The following CTNNA3 variants were observed in gnomAD, a reference collection of about 807,000 sequenced individuals.
The protein encoded by CTNNA3 is catenin alpha-3.
Under a neutral mutation model 95.7 loss-of-function variants are expected in CTNNA3, and 76 were observed. That is an observed-to-expected ratio of 0.79 (90% CI 0.66 to 0.96). CTNNA3 has a LOEUF of 0.96. Among genes scored for constraint, CTNNA3 ranks in the 40% least tolerant of loss-of-function variants. CTNNA3 has a pLI of 0.00. For synonymous variants in CTNNA3, 431 were observed against 374.4 expected (o/e 1.15, Z -1.74); for missense variants, 1,191 against 1,089.8 (o/e 1.09, Z -1.31).
intron 1 of CTNNA3, among the ~76,000 whole-genome samples, chr10:67,677,926 G>A (rs1019520550): frequency 1.3e-5 from 2 of 152,144 alleles, no homozygotes; most frequent in Non-Finnish European, 2.9e-5. Flanking sequence ...AATAGGAGTA[G>A]GAGAAGAGTT....
At chr10:66,312,192 A>T (rs2092030238) in intron 12 of CTNNA3, among the ~76,000 whole-genome samples, 1 of 152,130 alleles carries the variant, frequency 6.6e-6, no homozygotes, top group South Asian at 2.1e-4. Context: ...TATTCATGAC[A>T]CACTCTCCTG....
At chr10:66,253,046 T>C (rs2090622093) in intron 13 of CTNNA3, among the ~76,000 whole-genome samples, 11 of 152,190 alleles carry the variant, frequency 7.2e-5, no homozygotes. Context: ...CCATAATTTC[T>C]ACTCATTTAG....
chr10:66,441,528 G>C (rs1344249510), intron 11 of CTNNA3, among the ~76,000 whole-genome samples: 1 of 152,086 alleles, frequency 6.6e-6, no homozygotes, highest in Non-Finnish European at 1.5e-5. Flanking sequence ...ATATTGCTTT[G>C]CTATTCCAAG....
At chr10:67,617,610 G>T (rs947115272) in intron 2 of CTNNA3, among the ~76,000 whole-genome samples, 5 of 151,944 alleles carry the variant, frequency 3.3e-5, no homozygotes, top group Admixed American at 2.6e-4. Context: ...TATTACTCTG[G>T]GTATATATCC....
At chr10:66,951,898 C>T (rs910433474) in intron 7 of CTNNA3, among the ~76,000 whole-genome samples, 1 of 152,112 alleles carries the variant, frequency 6.6e-6, no homozygotes, top group Non-Finnish European at 1.5e-5. Flanking sequence ...AAGTCCAGCC[C>T]TAAAATAACA....
At chr10:65,987,958 C>T (rs570216689) in intron 16 of CTNNA3, among the ~76,000 whole-genome samples, 20 of 152,114 alleles carry the variant, frequency 1.3e-4, no homozygotes, top group African/African-American at 4.8e-4. Flanking sequence ...ACCACATATT[C>T]TCATATGTGA....
Position 67,739,713 on chromosome 10 carries a change from G to A in CTNNA3, c.-2+23721C>T, listed in dbSNP as rs372426782. ...GTCATGGATAGGAAGAATCAATATCGTGAAAATGGCCATACTGCCCAAGGT... is the reference window on the plus strand; with the variant it reads ...GTCATGGATAGGAAGAATCAATATCATGAAAATGGCCATACTGCCCAAGGT... On this transcript the variant is annotated intron_variant, in intron 1 of 17. Coordinates refer to the CTNNA3 transcript ENST00000684154. Among the ~76,000 whole-genome samples, 268 of 152,210 alleles carry A rather than the reference G, an allele frequency of 1.8e-3. 2 individuals are homozygous for A. Among genetic ancestry groups the A allele is most frequent in the East Asian group, 0.015 (77 of 5,188 alleles).
intron 3 of CTNNA3, among the ~76,000 whole-genome samples, chr10:67,541,850 CAA>C (rs376676697): frequency 6.6e-6 from 1 of 151,884 alleles, no homozygotes. Context: ...TGAATGCCCA[CAA>C]AAAAGATTAA....
intron 13 of CTNNA3, among the ~76,000 whole-genome samples, chr10:66,255,225 G>A (rs549642223): frequency 6.6e-6 from 1 of 152,180 alleles, no homozygotes; most frequent in African/African-American, 2.4e-5. Context: ...GCAAGGGTAG[G>A]CCCTCTATCC....
intron 13 of CTNNA3, among the ~76,000 whole-genome samples, chr10:66,250,483 A>G (rs1415146456): frequency 3.3e-4 from 50 of 152,196 alleles, no homozygotes; most frequent in Admixed American, 3.3e-3. Flanking sequence ...CCCATTTACT[A>G]TGATGTGGTT....
In CTNNA3 at chr10:66,172,925, C is replaced by T. The variant is rs141263175; in HGVS notation, c.1885-69676G>A. 6.2e-3 allele frequency among the ~76,000 whole-genome samples: 937 copies of T among 152,006 alleles called. 7 individuals carry two copies. Among genetic ancestry groups the T allele is most frequent in the South Asian group, 0.018 (89 of 4,820 alleles). On this transcript the variant is annotated intron_variant, in intron 13 of 17. Coordinates refer to ENST00000433211, the MANE Select transcript of CTNNA3 (RefSeq NM_013266.4). ...TTATAATAGCTGTCTTGGGTGATGCCGAGATAGATACAACAAATTTACAGC... is the reference window on the plus strand; with the variant it reads ...TTATAATAGCTGTCTTGGGTGATGCTGAGATAGATACAACAAATTTACAGC...
chr10:67,756,529 CA>C (rs940400680), intron 1 of CTNNA3, among the ~76,000 whole-genome samples: 2 of 151,784 alleles, frequency 1.3e-5, no homozygotes, highest in African/African-American at 4.8e-5. Flanking sequence ...AATGAAGTAG[CA>C]ATACATGCTG....
At chr10:67,521,561 C>G (rs1839986602) in intron 5 of CTNNA3, among the ~76,000 whole-genome samples, 1 of 151,954 alleles carries the variant, frequency 6.6e-6, no homozygotes, top group South Asian at 2.1e-4. Flanking sequence ...TGAAGCGTCC[C>G]TAGTCAAAGG....
intron 10 of CTNNA3, among the ~76,000 whole-genome samples, chr10:66,577,916 T>C (rs1458673069): frequency 6.6e-5 from 10 of 152,050 alleles, no homozygotes; most frequent in Admixed American, 6.6e-4. Context: ...TTTGGCAGTA[T>C]GGTCACTTTA....
chr10:66,613,843 T>C (rs192844815), intron 10 of CTNNA3, among the ~76,000 whole-genome samples: 23 of 152,154 alleles, frequency 1.5e-4, no homozygotes, highest in Admixed American at 9.2e-4. Context: ...ATATGGTCAT[T>C]TTACATTGAA....
chr10:66,686,454 C>T (rs1254050585), intron 9 of CTNNA3, among the ~76,000 whole-genome samples: 1 of 152,126 alleles, frequency 6.6e-6, no homozygotes, highest in Non-Finnish European at 1.5e-5. Flanking sequence ...CAGAGTGAGA[C>T]CCTGTCTCAA....
chr10:66,234,801 T>C (rs371911410), intron 13 of CTNNA3, among the ~76,000 whole-genome samples: 11 of 152,190 alleles, frequency 7.2e-5, no homozygotes, highest in Non-Finnish European at 1.6e-4. Flanking sequence ...ACTTGTTTCT[T>C]ATGAACAGAA....
chr10:66,962,412 G>GT (rs1467752788), intron 7 of CTNNA3, among the ~76,000 whole-genome samples: 8 of 138,520 alleles, frequency 5.8e-5, no homozygotes, highest in Admixed American at 3.5e-4. Flanking sequence ...TTTTGTTTTT[G>GT]TTTTTGTTTT....
chr10:67,229,335 T>A (rs958201539), intron 5 of CTNNA3, among the ~76,000 whole-genome samples: 3 of 152,068 alleles, frequency 2.0e-5, no homozygotes, highest in African/African-American at 4.8e-5. Flanking sequence ...ATAAAAGCCA[T>A]CTATGATAAA....
Sources: gnomAD v4.1 joint callset for allele counts (sites outside exome capture counted in the v4.1 genomes callset) on GRCh38, gnomAD v4.1.1 for gene constraint, MANE v1.5 for transcripts, NCBI Gene and HGNC (gene_info 2026-07-23, HGNC 2026-07-21) for gene names.